The following PIAS1 variants were observed in gnomAD, a reference collection of about 807,000 sequenced individuals.
PIAS1 encodes the protein protein inhibitor of activated STAT 1, also known as E3 SUMO-protein ligase PIAS1.
A neutral mutation model predicts 71.3 loss-of-function variants in PIAS1; 6 were observed. The observed-to-expected ratio is 0.08, with a 90% CI of 0.05 to 0.17. The LOEUF (loss-of-function observed/expected upper bound fraction) is 0.17. PIAS1 is among the 10% of genes least tolerant of loss of function. PIAS1 has a pLI of 1.00. For synonymous variants in PIAS1, 303 were observed against 292.9 expected (o/e 1.03, Z -0.35); for missense variants, 555 against 793.6 (o/e 0.70, Z 3.61).
At chr15:68,149,577 A>AT (rs992939887) in intron 6 of PIAS1, among the ~76,000 whole-genome samples, 3 of 151,780 alleles carry the variant, frequency 2.0e-5, no homozygotes, top group Admixed American at 2.0e-4. Flanking sequence ...ATTCCTGCAT[A>AT]TTTTTTGCTA....
At chr15:68,069,111 G>A (rs2092063692) in intron 1 of PIAS1, among the ~76,000 whole-genome samples, 1 of 150,830 alleles carries the variant, frequency 6.6e-6, no homozygotes, top group South Asian at 2.1e-4. Context: ...GGCCAGGCTG[G>A]TCTCGAACTC....
chr15:68,077,832 G>A lies in PIAS1; in HGVS notation c.25-8474G>A, dbSNP rs150093510. On this transcript the variant is annotated intron_variant, in intron 1 of 13. Coordinates refer to ENST00000249636, the MANE Select transcript of PIAS1 (RefSeq NM_016166.3). ...CTTCAGTAGGTTACTCCTGTTACTC[G>A]GAAATAGTTCAGTACCACCCCTCTA... 3.9e-5 allele frequency among the ~76,000 whole-genome samples: 6 copies of A among 152,226 alleles called. No homozygotes were observed. In the East Asian group the frequency reaches 1.2e-3, roughly 29 times the overall value.
intron 1 of PIAS1, among the ~76,000 whole-genome samples, chr15:68,064,950 G>A (rs373964397): frequency 1.2e-4 from 19 of 152,024 alleles, no homozygotes; most frequent in East Asian, 7.7e-4. Context: ...TTGCCATGTC[G>A]CCCAGGCTGG....
chr15:68,151,364 CTCT>C (rs1313095091), intron 6 of PIAS1, among the ~76,000 whole-genome samples: 1 of 151,946 alleles, frequency 6.6e-6, no homozygotes, highest in African/African-American at 2.4e-5. Flanking sequence ...TCTGCTTGAT[CTCT>C]TCTTAAATAT....
chr15:68,160,077 C>T (rs2092914671), intron 7 of PIAS1, among the ~76,000 whole-genome samples: 1 of 152,058 alleles, frequency 6.6e-6, no homozygotes, highest in Admixed American at 6.6e-5. Flanking sequence ...TGTTAAGCAT[C>T]TTCTCAGGTG....
chr15:68,164,235 CT>C (rs1194262824), intron 7 of PIAS1, among the ~76,000 whole-genome samples: 1 of 151,978 alleles, frequency 6.6e-6, no homozygotes, highest in Non-Finnish European at 1.5e-5. Flanking sequence ...AAATAGGACT[CT>C]TTTCATAATT....
chr15:68,122,415 G>A lies in PIAS1; in HGVS notation c.470-19531G>A, dbSNP rs1349073247. Among the ~76,000 whole-genome samples, 6 of 152,242 alleles carry A rather than the reference G, an allele frequency of 3.9e-5. No homozygotes were observed. The South Asian group carries it at 8.3e-4, about 21-fold the overall frequency. On this transcript the variant is annotated intron_variant, in intron 2 of 13. Coordinates refer to ENST00000249636, the MANE Select transcript of PIAS1 (RefSeq NM_016166.3). ...AGAAGAATCACTTGTGAGCCAGAAG[G>A]GAGGAATAAGGACAAGGGAGTCCTA... is the stretch of plus-strand genomic sequence containing the variant.
At chr15:68,154,539 T>G (rs921466763) in intron 7 of PIAS1, among the ~76,000 whole-genome samples, 1 of 152,190 alleles carries the variant, frequency 6.6e-6, no homozygotes, top group African/African-American at 2.4e-5. Flanking sequence ...AACACTCTGG[T>G]GGAAAGAACT....
In PIAS1 at chr15:68,171,234, G is replaced by A. The variant is rs1046448630; in HGVS notation, c.1009-2498G>A. 9.2e-5 allele frequency among the ~76,000 whole-genome samples: 14 copies of A among 152,140 alleles called. No homozygotes were observed. Among genetic ancestry groups the A allele is most frequent in the Non-Finnish European group, 1.8e-4 (12 of 68,028 alleles). On this transcript the variant is annotated intron_variant, in intron 8 of 13. Transcript: ENST00000249636. This position sits in a 1 kb window ranked among gnomAD's most constrained non-coding sequence, Gnocchi z 4.4. Reference sequence around the variant, plus strand: ...CCTCCACATCTTTTCCCACTGGAACGTCTTCAGTGGCAGTAACAGACATGG... The same window carrying A: ...CCTCCACATCTTTTCCCACTGGAACATCTTCAGTGGCAGTAACAGACATGG...
At chr15:68,160,564 A>G (rs2092918000) in intron 7 of PIAS1, among the ~76,000 whole-genome samples, 1 of 152,128 alleles carries the variant, frequency 6.6e-6, no homozygotes, top group Admixed American at 6.5e-5. Context: ...TCTTTTTCAG[A>G]ATTGTTTTGA....
chr15:68,179,897 A>G (rs540890883), intron 11 of PIAS1, among the ~76,000 whole-genome samples: 6 of 151,790 alleles, frequency 4.0e-5, no homozygotes, highest in African/African-American at 1.4e-4. Context: ...AATATTCTAT[A>G]CCACTGAAAT....
chr15:68,130,041 A>G (rs931460856), intron 2 of PIAS1, among the ~76,000 whole-genome samples: 2 of 152,082 alleles, frequency 1.3e-5, no homozygotes, highest in South Asian at 2.1e-4. Context: ...AGATATGTTC[A>G]TTTTGAGGGG....
At chr15:68,106,764 G>C (rs1474548113) in intron 2 of PIAS1, among the ~76,000 whole-genome samples, 2 of 152,182 alleles carry the variant, frequency 1.3e-5, no homozygotes, top group African/African-American at 2.4e-5. Context: ...AGGGGGATTA[G>C]GCTCTAACGT....
intron 2 of PIAS1, among the ~76,000 whole-genome samples, chr15:68,119,236 C>CAAAAAAAAAAA (rs1567049943): frequency 1.4e-3 from 1 of 698 alleles, no homozygotes; most frequent in Non-Finnish European, 4.3e-3. Flanking sequence ...CCCATCTCTA[C>CAAAAAAAAAAA]CAAAAAAAAA....
At chr15:68,154,589 C>A (rs1485454632) in intron 7 of PIAS1, among the ~76,000 whole-genome samples, 1 of 152,126 alleles carries the variant, frequency 6.6e-6, no homozygotes, top group African/African-American at 2.4e-5. Context: ...TAGCTATTAC[C>A]CCTTTCTGTA....
At chr15:68,131,796 A>G (rs977033605) in intron 2 of PIAS1, among the ~76,000 whole-genome samples, 2 of 152,172 alleles carry the variant, frequency 1.3e-5, no homozygotes. Flanking sequence ...TGGTATTTTG[A>G]ATAGTGCTGC....
At chr15:68,169,246 C>T (rs2092975565) in intron 8 of PIAS1, among the ~76,000 whole-genome samples, 1 of 152,162 alleles carries the variant, frequency 6.6e-6, no homozygotes, top group Admixed American at 6.5e-5. Flanking sequence ...CGTAACTTGG[C>T]ACCACCAACC....
At chr15:68,183,479 G>A in intron 12 of PIAS1, 151 bp from the exon 13 acceptor site, 2 of 559,796 alleles carry the variant, frequency 3.6e-6, no homozygotes, top group Middle Eastern at 4.0e-4. Context: ...AGAAAGGAGA[G>A]ACGTAAAACG....
At chr15:68,119,415 A>T (rs895952159) in intron 2 of PIAS1, among the ~76,000 whole-genome samples, 1 of 151,840 alleles carries the variant, frequency 6.6e-6, no homozygotes, top group African/African-American at 2.4e-5. Flanking sequence ...ACTGCACTCC[A>T]GCCTGGGCAA....
Sources: allele counts gnomAD v4.1 joint callset (sites outside exome capture counted in the v4.1 genomes callset), GRCh38; gene constraint gnomAD v4.1.1; non-coding constraint Gnocchi (gnomAD v3.1); transcripts MANE v1.5; gene names NCBI Gene and HGNC (gene_info 2026-07-23, HGNC 2026-07-21).